ATP8B1: variants seen among roughly 807,000 people sequenced by gnomAD.
The protein encoded by ATP8B1 is ATPase phospholipid transporting 8B1.
A neutral mutation model predicts 149.9 loss-of-function variants in ATP8B1; 80 were observed. The observed-to-expected ratio is 0.53, with a 90% CI of 0.45 to 0.64. The LOEUF (loss-of-function observed/expected upper bound fraction) is 0.64. ATP8B1 is among the 30% of genes least tolerant of loss of function. ATP8B1 has a pLI of 0.00. For missense variants in ATP8B1, 1,247 were observed against 1,552.6 expected, an observed-to-expected ratio of 0.80 and a Z score of 3.31; for synonymous variants, 536 against 562.8, an observed-to-expected ratio of 0.95 and a Z score of 0.67.
At chr18:57,713,991 G>A (rs1599145764) in intron 2 of ATP8B1, among the ~76,000 whole-genome samples, 2 of 152,146 alleles carry the variant, frequency 1.3e-5, no homozygotes, top group East Asian at 3.9e-4. Flanking sequence ...CCCCTCTTGG[G>A]GTCCCTGAGT....
At chr18:57,739,545 G>GA (rs2079890149) in intron 1 of ATP8B1, among the ~76,000 whole-genome samples, 1 of 152,180 alleles carries the variant, frequency 6.6e-6, no homozygotes, top group African/African-American at 2.4e-5. Flanking sequence ...AGTTGACACT[G>GA]AAAGATCTGG....
chr18:57,751,066 T>A (rs2080012765), intron 1 of ATP8B1, among the ~76,000 whole-genome samples: 1 of 152,094 alleles, frequency 6.6e-6, no homozygotes, highest in South Asian at 2.1e-4. Flanking sequence ...GAGGTTGCAG[T>A]GAGGAGAGAC....
At chr18:57,651,882 C>A in intron 26 of ATP8B1, 152 bp downstream of exon 26, 1 of 947,514 alleles carries the variant, frequency 1.1e-6, no homozygotes, top group South Asian at 1.4e-5. Context: ...AATCCACTTG[C>A]CTCGGCCTCC....
chr18:57,757,983 C>T (rs62092627), intron 1 of ATP8B1, among the ~76,000 whole-genome samples: 3,205 of 151,940 alleles, frequency 0.021, 55 homozygotes, highest in African/African-American at 0.034. Context: ...TTCCCCTATC[C>T]CTATTATATA....
intron 15 of ATP8B1, among the ~76,000 whole-genome samples, chr18:57,683,303 T>G (rs542395202): frequency 7.9e-5 from 12 of 152,324 alleles, no homozygotes; most frequent in African/African-American, 2.4e-4. Flanking sequence ...AGACTACGCT[T>G]TATTACAGAA....
intron 1 of ATP8B1, among the ~76,000 whole-genome samples, chr18:57,735,905 T>G (rs431407): frequency 1.3e-5 from 2 of 151,018 alleles, no homozygotes; most frequent in Non-Finnish European, 2.9e-5. Flanking sequence ...CCCATCAACC[T>G]GTCATCTAGG....
intron 1 of ATP8B1, chr18:57,740,438 A>C (rs2079901234): frequency 6.6e-6 from 1 of 152,116 alleles, no homozygotes; most frequent in South Asian, 2.1e-4. Flanking sequence ...CGTGTTTCTT[A>C]TTATATGTTC....
chr18:57,698,046 T>C (rs1490706165), intron 6 of ATP8B1, among the ~76,000 whole-genome samples, 179 bp from the exon 7 acceptor site: 4 of 152,250 alleles, frequency 2.6e-5, no homozygotes, highest in Non-Finnish European at 5.9e-5. Flanking sequence ...TATTGACCTC[T>C]GAAGGAAGCA....
At chr18:57,649,519 C>T (rs1035565870) in intron 27 of ATP8B1, among the ~76,000 whole-genome samples, 9 of 152,030 alleles carry the variant, frequency 5.9e-5, no homozygotes, top group African/African-American at 1.9e-4. Flanking sequence ...AAGGGAGACC[C>T]GAGGGATACT....
intron 22 of ATP8B1, among the ~76,000 whole-genome samples, chr18:57,658,627 T>TG (rs1910170008): frequency 2.8e-5 from 4 of 144,988 alleles, no homozygotes; most frequent in East Asian, 2.1e-4. Context: ...AACAATTTCT[T>TG]TGTGTGTGTG....
At chr18:57,716,363 G>T (rs1321260739) in intron 2 of ATP8B1, among the ~76,000 whole-genome samples, 2 of 151,534 alleles carry the variant, frequency 1.3e-5, no homozygotes, top group African/African-American at 4.9e-5. Flanking sequence ...ATATAACATC[G>T]AATGTAAATG....
intron 2 of ATP8B1, among the ~76,000 whole-genome samples, chr18:57,713,196 TTTCC>T (rs71171072): frequency 0.098 from 8,623 of 88,048 alleles, 673 homozygotes; most frequent in Non-Finnish European, 0.13. Flanking sequence ...TCTTTCTTTC[TTTCC>T]TTCCTTCCTT....
intron 15 of ATP8B1, among the ~76,000 whole-genome samples, chr18:57,680,477 C>G (rs62092571): frequency 1.0e-4 from 15 of 146,484 alleles, no homozygotes; most frequent in African/African-American, 3.5e-4. Context: ...CCCAGCTACT[C>G]GGAGGCTGAG....
At chr18:57,781,300 A>AC (rs2080354254) in intron 1 of ATP8B1, among the ~76,000 whole-genome samples, 1 of 152,168 alleles carries the variant, frequency 6.6e-6, no homozygotes, top group South Asian at 2.1e-4. Flanking sequence ...TAGGTGCGTT[A>AC]TTTTAATCAT....
chr18:57,760,976 G>A (rs575763891), intron 1 of ATP8B1, among the ~76,000 whole-genome samples: 2 of 150,790 alleles, frequency 1.3e-5, no homozygotes, highest in East Asian at 3.9e-4. Flanking sequence ...GCAACAGAGC[G>A]AGACTCTGTC....
intron 1 of ATP8B1, among the ~76,000 whole-genome samples, chr18:57,764,053 A>G (rs1261729666): frequency 6.6e-6 from 1 of 152,180 alleles, no homozygotes; most frequent in Non-Finnish European, 1.5e-5. Flanking sequence ...GAGGTTTTCC[A>G]CTTATTATAA....
intron 1 of ATP8B1, among the ~76,000 whole-genome samples, chr18:57,782,575 A>G (rs1466802213): frequency 6.6e-6 from 1 of 152,148 alleles, no homozygotes; most frequent in Non-Finnish European, 1.5e-5. Context: ...AATGTTTTTG[A>G]TGCTTCCCAG....
At chr18:57,651,399 T>C (rs1295235346) in intron 26 of ATP8B1, among the ~76,000 whole-genome samples, 1 of 151,952 alleles carries the variant, frequency 6.6e-6, no homozygotes, top group Non-Finnish European at 1.5e-5. Flanking sequence ...AGCTACCACA[T>C]CTAGCCCCAG....
chr18:57,658,627 T>G (rs1004262260), intron 22 of ATP8B1, among the ~76,000 whole-genome samples: 4 of 144,988 alleles, frequency 2.8e-5, no homozygotes, highest in Admixed American at 7.0e-5. Flanking sequence ...AACAATTTCT[T>G]TGTGTGTGTG....
Sources: allele counts gnomAD v4.1 joint callset (sites outside exome capture counted in the v4.1 genomes callset), GRCh38; gene constraint gnomAD v4.1.1; transcripts MANE v1.5; gene names NCBI Gene and HGNC (gene_info 2026-07-23, HGNC 2026-07-21).